RBM20: variants seen among roughly 807,000 people sequenced by gnomAD.
The protein encoded by RBM20 is RNA-binding protein 20.
A neutral mutation model predicts 110.1 loss-of-function variants in RBM20; 51 were observed. That is an observed-to-expected ratio of 0.46 (90% CI 0.37 to 0.59). The LOEUF is 0.59. Ranked by LOEUF, RBM20 falls within the 20% of genes least tolerant of loss-of-function variation. The pLI, the probability that RBM20 is intolerant of heterozygous loss-of-function variation, is 0.00. For synonymous variants in RBM20, 589 were observed against 618.2 expected (o/e 0.95, Z 0.70); for missense variants, 1,512 against 1,574.9 (o/e 0.96, Z 0.68).
At chr10:110,688,021 GTGTGTGTGTGTGTGTA>G (rs1219008517) in intron 1 of RBM20, among the ~76,000 whole-genome samples, 2 of 151,026 alleles carry the variant, frequency 1.3e-5, no homozygotes, top group Non-Finnish European at 2.9e-5. Context: ...GTGTGTGTGT[GTGTGTGTGTGTGTGTA>G]TGTGTGTGTA....
intron 1 of RBM20, among the ~76,000 whole-genome samples, chr10:110,665,036 TG>T (rs1235245472): frequency 6.6e-6 from 1 of 151,906 alleles, no homozygotes; most frequent in African/African-American, 2.4e-5. Flanking sequence ...TCACCATGCC[TG>T]GCTACTTTTT....
chr10:110,717,039 T>C (rs1452096588), intron 1 of RBM20, among the ~76,000 whole-genome samples: 1 of 152,224 alleles, frequency 6.6e-6, no homozygotes, highest in Non-Finnish European at 1.5e-5. Context: ...GTTTGTTTGG[T>C]TTTTGCATAA....
intron 1 of RBM20, among the ~76,000 whole-genome samples, chr10:110,698,129 C>T (rs1435138705): frequency 1.3e-5 from 2 of 152,232 alleles, no homozygotes; most frequent in African/African-American, 2.4e-5. Flanking sequence ...AGGATAGTCT[C>T]GATCTCCTGA....
chr10:110,721,055 CCTGCAGGCACCTG>C (rs1313580740), intron 1 of RBM20, among the ~76,000 whole-genome samples: 4 of 152,222 alleles, frequency 2.6e-5, no homozygotes, highest in African/African-American at 9.6e-5. Context: ...TTCCTTATTT[CCTGCAGGCACCTG>C]CTCAGTTGCC....
rs547697997 is a variant in RBM20 at position 110,685,802 on chromosome 10, T to C, written c.191+41157T>C. Among the ~76,000 whole-genome samples the C allele has an allele frequency of 5.9e-5, 9 of 152,298 alleles. No individual in the cohort carries two copies. In the South Asian group the frequency reaches 1.9e-3, roughly 32 times the overall value. ...GAGTAACAAGATCAGGGCAAGACTTTTTTTTTCGGTATGCTTTGTGAAACA... is the reference window on the plus strand; with the variant it reads ...GAGTAACAAGATCAGGGCAAGACTTCTTTTTTCGGTATGCTTTGTGAAACA... On this transcript the variant is annotated intron_variant, in intron 1 of 13. Coordinates refer to ENST00000369519, the MANE Select transcript of RBM20 (RefSeq NM_001134363.3).
intron 1 of RBM20, among the ~76,000 whole-genome samples, chr10:110,704,534 C>T (rs562294854): frequency 2.9e-4 from 44 of 152,302 alleles, no homozygotes; most frequent in African/African-American, 7.7e-4. Flanking sequence ...ATGGATGTTC[C>T]ACTTTTTGAC....
At chr10:110,688,764 G>A (rs981736195) in intron 1 of RBM20, among the ~76,000 whole-genome samples, 8 of 152,166 alleles carry the variant, frequency 5.3e-5, no homozygotes, top group Non-Finnish European at 1.0e-4. Flanking sequence ...CATTATTAAT[G>A]TTGGTACAAT....
chr10:110,810,798 T>C (rs1484841636), intron 8 of RBM20, among the ~76,000 whole-genome samples: 1 of 149,662 alleles, frequency 6.7e-6, no homozygotes, highest in African/African-American at 2.5e-5. Context: ...GTAATGCGTG[T>C]GTGTGTGTGT....
intron 1 of RBM20, among the ~76,000 whole-genome samples, chr10:110,662,012 GA>G (rs991849689): frequency 3.3e-4 from 48 of 145,176 alleles, no homozygotes; most frequent in Non-Finnish European, 4.1e-4. Context: ...CTGGTCTCAG[GA>G]AAAAAAAAAA....
intron 1 of RBM20, among the ~76,000 whole-genome samples, chr10:110,700,164 C>T (rs1458560388): frequency 6.6e-6 from 1 of 152,126 alleles, no homozygotes; most frequent in Non-Finnish European, 1.5e-5. Context: ...ACTGTATTCC[C>T]CTCTTCCTGT....
chr10:110,834,610 C>T (rs1564669326), intron 13 of RBM20, among the ~76,000 whole-genome samples: 3 of 152,190 alleles, frequency 2.0e-5, no homozygotes, highest in South Asian at 2.1e-4. Context: ...TGCCTCTCTT[C>T]GACTTCACAG....
chr10:110,685,243 T>G (rs1862485741), intron 1 of RBM20, among the ~76,000 whole-genome samples: 1 of 152,174 alleles, frequency 6.6e-6, no homozygotes, highest in Non-Finnish European at 1.5e-5. Flanking sequence ...GATTGCACAT[T>G]TTATTCCATA....
intron 1 of RBM20, among the ~76,000 whole-genome samples, chr10:110,653,456 T>G (rs1861978947): frequency 6.6e-6 from 1 of 152,226 alleles, no homozygotes; most frequent in African/African-American, 2.4e-5. Flanking sequence ...CTCAGGAAAT[T>G]AGTCTTATTT....
chr10:110,821,595 C>T lies in RBM20; in HGVS notation c.2976C>T (p.Pro992=). ...TGCCCTCTGCTTCCACAAGCTGTCC[C>T]AGTGACATGGACGTGGAAATGCCTG... ...RELPSASTSC[P]SDMDVEMPGL... is the part of the protein sequence containing the mutation. The change falls in exon 11 of 14, where the codon CCC becomes CCT. Residue 992 remains proline (P), a synonymous_variant. Transcript: ENST00000369519. 3 of 1,551,212 alleles carry T rather than the reference C, an allele frequency of 1.9e-6. No individual in the cohort carries two copies. The highest frequency in any genetic ancestry group is 2.6e-6 in the Non-Finnish European group (3 of 1,146,424).
rs545377274 is a variant in RBM20 at position 110,742,084 on chromosome 10, C to T, written c.192-38717C>T. 1.3e-4 allele frequency among the ~76,000 whole-genome samples: 20 copies of T among 152,274 alleles called. No homozygotes were observed. In the South Asian group the frequency reaches 4.0e-3, roughly 30 times the overall value. On this transcript the variant is annotated intron_variant, in intron 1 of 13. Transcript: ENST00000369519. ...CCCTTTTTTGTAGATTAAATGAACC[C>T]AGAAGTTAGTTCATGATGTAGTTCC...
intron 1 of RBM20, among the ~76,000 whole-genome samples, chr10:110,749,471 A>G (rs187362559): frequency 2.0e-5 from 3 of 152,366 alleles, no homozygotes; most frequent in African/African-American, 7.2e-5. Context: ...TATAAAACAT[A>G]AAGTATATCA....
At position 110,732,150 on chromosome 10, in the gene RBM20, T is replaced by G. The variant is rs1034480862; in HGVS notation, c.192-48651T>G. On this transcript the variant is annotated intron_variant, in intron 1 of 13. Transcript: ENST00000369519. The stretch of plus-strand genomic sequence containing the variant: ...TTTGCCTTTTCTCGAGAGTATTTCT[T>G]ATACATAGCATCCTTCAATATTCCC... 2.6e-5 allele frequency among the ~76,000 whole-genome samples: 4 copies of G among 152,230 alleles called. No individual in the cohort carries two copies. In the East Asian group the frequency reaches 7.7e-4, roughly 29 times the overall value.
chr10:110,797,711 G>T, intron 6 of RBM20, 63 bp downstream of exon 6: 5 of 1,484,760 alleles, frequency 3.4e-6, no homozygotes, highest in Non-Finnish European at 4.6e-6. Flanking sequence ...GAAAGGGAAC[G>T]ATATAATTTT....
chr10:110,675,423 T>C (rs965248210), intron 1 of RBM20, among the ~76,000 whole-genome samples: 2 of 152,202 alleles, frequency 1.3e-5, no homozygotes, highest in African/African-American at 4.8e-5. Flanking sequence ...TCTTATAATG[T>C]GGTTCTGAGG....
Sources: gnomAD v4.1 joint callset for allele counts (sites outside exome capture counted in the v4.1 genomes callset) on GRCh38, gnomAD v4.1.1 for gene constraint, MANE v1.5 for transcripts, NCBI Gene and HGNC (gene_info 2026-07-23, HGNC 2026-07-21) for gene names.